BRWD1: variants seen among roughly 807,000 people sequenced by gnomAD.
BRWD1 encodes the protein bromodomain and WD repeat domain containing 1.
BRWD1 carries 82 observed loss-of-function variants against 251.2 expected under a neutral mutation model. The observed-to-expected ratio is 0.33, with a 90% CI of 0.27 to 0.39. The LOEUF is 0.39. Among genes scored for constraint, BRWD1 ranks in the 10% least tolerant of loss-of-function variants. BRWD1 has a pLI of 1.00. For synonymous variants in BRWD1, 918 were observed against 902.8 expected, an observed-to-expected ratio of 1.02 and a Z score of -0.30; for missense variants, 2,233 against 2,711.6, an observed-to-expected ratio of 0.82 and a Z score of 3.92.
At chr21:39,220,655 CAT>C (rs201491958) in intron 29 of BRWD1, among the ~76,000 whole-genome samples, 42 of 152,264 alleles carry the variant, frequency 2.8e-4, no homozygotes, top group East Asian at 2.3e-3. Flanking sequence ...AGAATTGGCA[CAT>C]ATGTTAGAAT....
Position 39,195,144 on chromosome 21 carries a change from T to TA in BRWD1, c.*1114dup, listed in dbSNP as rs2146449593. The TA allele has an allele frequency of 7.2e-6, 8 of 1,105,356 alleles. No homozygotes were observed. Among genetic ancestry groups the TA allele is most frequent in the Non-Finnish European group, 8.8e-6 (8 of 905,354 alleles). 68.5% of individuals were successfully genotyped at this position (1,105,356 alleles called of 1,614,324 possible). ...TTATATTTGGACTAGAAGTCACTAA[T>TA]AAAGATACATTTAGTTGCCCCAGCA... On this transcript the variant is annotated 3_prime_UTR_variant, in exon 41 of 41. Coordinates refer to ENST00000342449, the MANE Select transcript of BRWD1 (RefSeq NM_033656.4).
chr21:39,227,160 A>G (rs2146539024), intron 27 of BRWD1, among the ~76,000 whole-genome samples: 1 of 152,290 alleles, frequency 6.6e-6, no homozygotes, highest in Non-Finnish European at 1.5e-5. Context: ...TGTGTCCAAA[A>G]AAAGAAGGAA....
Position 39,218,509 on chromosome 21 carries a change from A to G in BRWD1, c.3534T>C (p.Asn1178=), listed in dbSNP as rs1258575603. 10 of 1,573,668 alleles carry G rather than the reference A, an allele frequency of 6.4e-6. No homozygotes were observed. In the East Asian group the frequency reaches 2.2e-4, roughly 35 times the overall value. Residue 1178 remains asparagine, a synonymous_variant, in exon 30 of 41, where the codon AAT becomes AAC. Transcript: ENST00000342449. ...CCTAAAAAATAAAAAACTTACCAAG[A>G]TTCAAAAGTTGATCTATACCACTGA... The part of the protein sequence containing the change: ...RIISGIDQLL[N]LDIAAAFAGP...
chr21:39,196,230 C>T lies in BRWD1; in HGVS notation c.*29G>A. On this transcript the variant is annotated 3_prime_UTR_variant, in exon 41 of 41. Coordinates refer to ENST00000342449, the MANE Select transcript of BRWD1 (RefSeq NM_033656.4). Reference sequence around the variant, plus strand: ...TTCACCATAAATGCCAGTCCATTTCCTCTTAAATGAACTGGCTTTCCCTCA... The same window carrying T: ...TTCACCATAAATGCCAGTCCATTTCTTCTTAAATGAACTGGCTTTCCCTCA... 6.6e-7 allele frequency: 1 copy of T among 1,523,238 alleles called. No individual in the cohort carries two copies. The allele number at this position is 1,523,238 out of a possible 1,614,324, so 94.4% of individuals were successfully genotyped here.
At chr21:39,232,080 T>C in intron 25 of BRWD1, 97 bp downstream of exon 25, 1 of 1,019,574 alleles carries the variant, frequency 9.8e-7, no homozygotes, top group South Asian at 1.5e-5. Context: ...AAGAAAGTAA[T>C]AAAATATGTT....
chr21:39,217,042 T>A (rs1399274652), intron 31 of BRWD1: 1 of 17,238 alleles, frequency 5.8e-5, no homozygotes, highest in East Asian at 1.0e-3. Context: ...TATAAATATA[T>A]ATATATATTT....
At chr21:39,310,603 C>CA (rs59612585) in intron 4 of BRWD1, among the ~76,000 whole-genome samples, 61,769 of 149,528 alleles carry the variant, frequency 0.41, 12,810 homozygotes, top group Admixed American at 0.46. Context: ...CAGACTGTCT[C>CA]AAAAAAAAAA....
At chr21:39,311,085 A>G (rs1345174111) in intron 4 of BRWD1, among the ~76,000 whole-genome samples, 1 of 150,798 alleles carries the variant, frequency 6.6e-6, no homozygotes, top group Non-Finnish European at 1.5e-5. Flanking sequence ...CAGCCATATT[A>G]TCACAGAATT....
intron 4 of BRWD1, among the ~76,000 whole-genome samples, chr21:39,311,370 G>A (rs1329003000): frequency 6.6e-6 from 1 of 151,994 alleles, no homozygotes; most frequent in Non-Finnish European, 1.5e-5. Flanking sequence ...GACAAGAGTT[G>A]GTCTGAACTC....
chr21:39,224,957 G>T, intron 28 of BRWD1, 129 bp downstream of exon 28: 1 of 670,086 alleles, frequency 1.5e-6, no homozygotes, highest in East Asian at 2.7e-5. Context: ...GAGACATTTC[G>T]GGTCAGCCTG....
intron 20 of BRWD1, among the ~76,000 whole-genome samples, chr21:39,249,231 C>G (rs1205759551): frequency 2.0e-5 from 3 of 152,086 alleles, no homozygotes; most frequent in Non-Finnish European, 4.4e-5. Flanking sequence ...GGGTGAGGAC[C>G]GGGAAACTAC....
intron 22 of BRWD1, among the ~76,000 whole-genome samples, 178 bp downstream of exon 22, chr21:39,238,301 A>C (rs1003075533): frequency 1.3e-5 from 2 of 151,986 alleles, no homozygotes; most frequent in African/African-American, 4.8e-5. Context: ...AAAAAAAAAA[A>C]AAACTCCTGA....
upstream of BRWD1, among the ~76,000 whole-genome samples, chr21:39,318,012 T>C (rs1478710956): frequency 6.6e-6 from 1 of 152,180 alleles, no homozygotes; most frequent in Admixed American, 6.5e-5. Flanking sequence ...GTGGTACCAC[T>C]GTGCTCCAGC....
At position 39,199,349 on chromosome 21, in the gene BRWD1, T is replaced by G; in HGVS notation, c.5067A>C (p.Glu1689Asp). 6.2e-7 allele frequency: 1 copy of G among 1,614,114 alleles called. No homozygotes were observed. The highest frequency in any genetic ancestry group is 8.5e-7 in the Non-Finnish European group (1 of 1,179,944). Residue 1689 changes from glutamate (E) to aspartate (D), a missense_variant, in exon 40 of 41, where the codon GAA (glutamate) becomes GAC (aspartate). By Grantham distance (45) the Glu-to-Asp change is conservative. Coordinates refer to ENST00000342449, the MANE Select transcript of BRWD1 (RefSeq NM_033656.4). ...GATTTTCATCTTTTAGCTCCTCTTC[T>G]TCAATTTCTGACTTTAAGCTCTGTT... The part of the protein sequence containing the change: ...EDEQSLKSEI[E>D]EEELKDENQL...
At chr21:39,208,789 G>A (rs983872194) in intron 36 of BRWD1, among the ~76,000 whole-genome samples, 2 of 151,960 alleles carry the variant, frequency 1.3e-5, no homozygotes, top group Admixed American at 6.6e-5. Context: ...GGCTGGTCTC[G>A]AACTCCTGAC....
intron 17 of BRWD1, among the ~76,000 whole-genome samples, chr21:39,260,792 C>T (rs989616622): frequency 2.6e-5 from 4 of 152,134 alleles, no homozygotes; most frequent in African/African-American, 9.7e-5. Context: ...ACAGATCTAA[C>T]TGAGTTGAGG....
Position 39,196,223 on chromosome 21 carries a change from C to A in BRWD1, c.*36G>T. ...GCCAGCTTTCACCATAAATGCCAGT[C>A]CATTTCCTCTTAAATGAACTGGCTT... On this transcript the variant is annotated 3_prime_UTR_variant, in exon 41 of 41. Transcript: ENST00000342449. 6.6e-7 allele frequency: 1 copy of A among 1,514,592 alleles called. No homozygotes were observed. Among genetic ancestry groups the A allele is most frequent in the Non-Finnish European group, 8.8e-7 (1 of 1,135,740 alleles). The allele number at this position is 1,514,592 out of a possible 1,614,324, so 93.8% of individuals were successfully genotyped here. A position where few individuals can be genotyped will look rare whatever the true frequency, so the allele number is the denominator to read the frequency against.
At chr21:39,306,618 A>C (rs2036296632) in intron 4 of BRWD1, among the ~76,000 whole-genome samples, 2 of 152,198 alleles carry the variant, frequency 1.3e-5, no homozygotes, top group South Asian at 4.1e-4. Context: ...AAATACCAGA[A>C]GATCCTTATA....
In BRWD1 at chr21:39,224,484, C is replaced by T; in HGVS notation, c.3321-15G>A. 1.3e-6 allele frequency: 2 copies of T among 1,577,550 alleles called. No individual in the cohort carries two copies. Among genetic ancestry groups the T allele is most frequent in the Non-Finnish European group, 1.7e-6 (2 of 1,158,294 alleles). On this transcript the variant is annotated splice_polypyrimidine_tract_variant and intron_variant, in intron 28 of 40. Transcript: ENST00000342449. ...TATTATCCCACCTGTTAAAAAACAA[C>T]AAATCTCTGGTTAGCCTTTCATAAA...
Sources: gnomAD v4.1 joint callset for allele counts (sites outside exome capture counted in the v4.1 genomes callset) on GRCh38, gnomAD v4.1.1 for gene constraint, MANE v1.5 for transcripts, NCBI Gene and HGNC (gene_info 2026-07-23, HGNC 2026-07-21) for gene names.